Variants in VAC14 observed in about 807,000 individuals in gnomAD.
The protein encoded by VAC14 is VAC14 component of PIKFYVE complex, also known as protein VAC14 homolog.
VAC14 carries 47 observed loss-of-function variants against 85.3 expected under a neutral mutation model. The observed-to-expected ratio is 0.55, with a 90% CI of 0.44 to 0.70. The LOEUF (loss-of-function observed/expected upper bound fraction) is 0.70, where lower values mean the gene tolerates loss of function less well. Among genes scored for constraint, VAC14 ranks in the 30% least tolerant of loss-of-function variants. The pLI is 0.00. For synonymous variants in VAC14, 447 were observed against 430.5 expected (o/e 1.04, Z -0.47); for missense variants, 861 against 1,004.3 (o/e 0.86, Z 1.93).
At chr16:70,763,108 G>C (rs2032539317) in intron 10 of VAC14, 83 bp from the exon 11 acceptor site, 1 of 1,583,094 alleles carries the variant, frequency 6.3e-7, no homozygotes, top group Non-Finnish European at 8.6e-7. Flanking sequence ...CCCTGGGCCT[G>C]CACATCCTGA....
chr16:70,791,870 T>G (rs2143323923), intron 1 of VAC14, among the ~76,000 whole-genome samples: 1 of 152,320 alleles, frequency 6.6e-6, no homozygotes, highest in South Asian at 2.1e-4. Context: ...ACTGCCATAT[T>G]GGTGACATGG....
At chr16:70,753,078 T>G (rs891009726) in intron 12 of VAC14, among the ~76,000 whole-genome samples, 1 of 151,518 alleles carries the variant, frequency 6.6e-6, no homozygotes, top group African/African-American at 2.4e-5. Flanking sequence ...CAAGGCTTCA[T>G]GGAGCATATA....
At chr16:70,688,278 T>C in intron 18 of VAC14, 188 bp from the exon 19 acceptor site, 1 of 1,233,222 alleles carries the variant, frequency 8.1e-7, no homozygotes, top group African/African-American at 1.6e-5. Context: ...CATCCCCCTC[T>C]TCCGCAGTTG....
Position 70,783,328 on chromosome 16 carries a change from C to T in VAC14, c.704+117G>A, listed in dbSNP as rs1177930907. The T allele has an allele frequency of 3.5e-6, 4 of 1,130,262 alleles. No homozygotes were observed. In the Admixed American group the frequency reaches 5.7e-5, roughly 16 times the overall value. The allele number at this position is 1,130,262 out of a possible 1,614,324, so 70.0% of individuals were successfully genotyped here. A position where few individuals can be genotyped will look rare whatever the true frequency, so the allele number is the denominator to read the frequency against. The stretch of plus-strand genomic sequence containing the variant: ...CTCCTCAAAGCGGGAAGCACAAGAG[C>T]CAGGAAGAAGAGGTGATTTCCTGCC... On this transcript the variant is annotated intron_variant, in intron 6 of 18. Coordinates refer to ENST00000261776, the MANE Select transcript of VAC14 (RefSeq NM_018052.5).
At chr16:70,750,960 C>T (rs908956807) in intron 12 of VAC14, among the ~76,000 whole-genome samples, 14 of 152,166 alleles carry the variant, frequency 9.2e-5, no homozygotes, top group Admixed American at 3.9e-4. Context: ...TTCTCACCTC[C>T]CACCAAGATT....
At chr16:70,736,135 C>T (rs2054743249) in intron 13 of VAC14, among the ~76,000 whole-genome samples, 1 of 152,216 alleles carries the variant, frequency 6.6e-6, no homozygotes, top group African/African-American at 2.4e-5. Flanking sequence ...CGGGGCCGTT[C>T]CAGCCTCACA....
At chr16:70,706,990 CCCTGCCTTGTT>C (rs1767565603) in intron 14 of VAC14, among the ~76,000 whole-genome samples, 1 of 152,206 alleles carries the variant, frequency 6.6e-6, no homozygotes, top group Non-Finnish European at 1.5e-5. Context: ...AGGGCCTCCT[CCCTGCCTTGTT>C]CCTGCCCCAC....
chr16:70,784,247 C>T lies in VAC14; in HGVS notation c.487-27G>A, dbSNP rs77246773. The stretch of plus-strand genomic sequence containing the variant: ...TGTGGATCAGAGGAAAGTGAGCTGC[C>T]GAGAGCCCGAGACCAGGGCTGCCTG... On this transcript the variant is annotated intron_variant, in intron 4 of 18. Coordinates refer to ENST00000261776, the MANE Select transcript of VAC14 (RefSeq NM_018052.5). 4,311 of 1,596,730 alleles carry T rather than the reference C, an allele frequency of 2.7e-3. 107 individuals are homozygous for T. The African/African-American group carries it at 0.051, about 19-fold the overall frequency.
chr16:70,776,143 TC>T (rs927092710), intron 9 of VAC14, among the ~76,000 whole-genome samples: 25 of 152,270 alleles, frequency 1.6e-4, no homozygotes, highest in African/African-American at 5.8e-4. Flanking sequence ...TCTCATTCTC[TC>T]CCCCAGGCTG....
Position 70,785,698 on chromosome 16 carries a change from T to A in VAC14, c.423+4A>T. 1 of 1,553,004 alleles carries A rather than the reference T, an allele frequency of 6.4e-7. No homozygotes were observed. The highest frequency in any genetic ancestry group is 8.7e-7 in the Non-Finnish European group (1 of 1,147,436). On this transcript the variant is annotated splice_donor_region_variant and intron_variant, in intron 3 of 18. Coordinates refer to ENST00000261776, the MANE Select transcript of VAC14 (RefSeq NM_018052.5). ...TCAGTGAGGAGGAGGAGGAGGGCGG[T>A]TACCTTGCTCAGCCCGTCAAAGAGC...
In VAC14 at chr16:70,687,603, G is replaced by A; in HGVS notation, c.*325C>T. 1 of 247,216 alleles carries A rather than the reference G, an allele frequency of 4.0e-6. No homozygotes were observed. The highest frequency in any genetic ancestry group is 7.6e-5 in the East Asian group (1 of 13,108). 15.3% of individuals were successfully genotyped at this position (247,216 alleles called of 1,614,324 possible). ...CACAAGGCCAGAGCTCTAGTGTGCT[G>A]GAGGAGGGGCAAGCTCTTTTTCCAA... On this transcript the variant is annotated 3_prime_UTR_variant, in exon 19 of 19. Transcript: ENST00000261776.
intron 13 of VAC14, among the ~76,000 whole-genome samples, chr16:70,737,771 G>A (rs1363751938): frequency 1.3e-5 from 2 of 152,206 alleles, no homozygotes; most frequent in Non-Finnish European, 2.9e-5. Flanking sequence ...GAGTTTTGTG[G>A]TTATGACGTG....
At chr16:70,755,957 C>G (rs1190318525) in intron 12 of VAC14, 2 of 454,942 alleles carry the variant, frequency 4.4e-6, no homozygotes, top group African/African-American at 4.0e-5. Flanking sequence ...TGGGGCTTCC[C>G]CCAGGTGGGA....
intron 14 of VAC14, among the ~76,000 whole-genome samples, chr16:70,710,773 C>T (rs1295734443): frequency 2.0e-5 from 3 of 152,264 alleles, no homozygotes; most frequent in African/African-American, 4.8e-5. Flanking sequence ...TTGGGTCCAG[C>T]AGCCCCAGTG....
rs982120801 is a variant in VAC14 at position 70,751,699 on chromosome 16, C to T, written c.1372-7120G>A. On this transcript the variant is annotated intron_variant, in intron 12 of 18. Transcript: ENST00000261776. ...CACCCTAGGAAGCCGGGCTGCTGTACCCAGGAAGGGTCCCCTGGGGGAGCC... is the reference window on the plus strand; with the variant it reads ...CACCCTAGGAAGCCGGGCTGCTGTATCCAGGAAGGGTCCCCTGGGGGAGCC... 5.9e-5 allele frequency among the ~76,000 whole-genome samples: 9 copies of T among 152,334 alleles called. No homozygotes were observed. The South Asian group carries it at 1.9e-3, about 32-fold the overall frequency.
intron 13 of VAC14, among the ~76,000 whole-genome samples, chr16:70,742,665 T>C (rs966972328): frequency 1.3e-5 from 2 of 152,246 alleles, no homozygotes; most frequent in Non-Finnish European, 2.9e-5. Flanking sequence ...CAGGCAGCCC[T>C]GCAGGTCTCC....
At chr16:70,770,064 C>A (rs925006318) in intron 10 of VAC14, 6 of 152,516 alleles carry the variant, frequency 3.9e-5, no homozygotes, top group African/African-American at 1.4e-4. Flanking sequence ...TCTGCCTCCC[C>A]CTTTCTCCTG....
Position 70,799,998 on chromosome 16 carries a change from T to C in VAC14, c.104+799A>G, listed in dbSNP as rs556974539. Among the ~76,000 whole-genome samples the C allele has an allele frequency of 3.2e-4, 48 of 152,370 alleles. No homozygotes were observed. The South Asian group carries it at 9.7e-3, about 31-fold the overall frequency. The stretch of plus-strand genomic sequence containing the variant: ...GAACAGAAATACAATTCACCTTTTC[T>C]GACTCGCAGACTGGTATTCTTCCAG... On this transcript the variant is annotated intron_variant, in intron 1 of 18. Coordinates refer to ENST00000261776, the MANE Select transcript of VAC14 (RefSeq NM_018052.5).
chr16:70,692,181 C>T (rs188047673), intron 18 of VAC14: 8,271 of 755,770 alleles, frequency 0.011, 46 homozygotes, highest in Non-Finnish European at 0.013. Flanking sequence ...GGGTGGGAGC[C>T]GGCACTCCTC....
Sources: allele counts gnomAD v4.1 joint callset (sites outside exome capture counted in the v4.1 genomes callset), GRCh38; gene constraint gnomAD v4.1.1; transcripts MANE v1.5; gene names NCBI Gene and HGNC (gene_info 2026-07-23, HGNC 2026-07-21).